USP28: variants seen among roughly 807,000 people sequenced by gnomAD.
USP28 encodes the protein ubiquitin specific peptidase 28.
USP28 carries 113 observed loss-of-function variants against 145.0 expected under a neutral mutation model. That is an observed-to-expected ratio of 0.78 (90% confidence interval 0.67 to 0.91). The LOEUF (loss-of-function observed/expected upper bound fraction) is 0.91. Ranked by LOEUF, USP28 falls within the 40% of genes least tolerant of loss-of-function variation. The pLI is 0.00. For synonymous variants in USP28, 447 were observed against 450.9 expected (o/e 0.99, Z 0.11); for missense variants, 1,201 against 1,289.6 (o/e 0.93, Z 1.05).
chr11:113,808,107 C>T (rs1172626659), intron 18 of USP28: 7 of 1,487,096 alleles, frequency 4.7e-6, no homozygotes, highest in Admixed American at 2.2e-5. Flanking sequence ...TTTCCTGGGG[C>T]ATGGGCTTCT....
chr11:113,815,822 A>G (rs1328221206), intron 13 of USP28, among the ~76,000 whole-genome samples: 2 of 152,236 alleles, frequency 1.3e-5, no homozygotes, highest in Non-Finnish European at 2.9e-5. Flanking sequence ...AGCCAACTAA[A>G]GTGACACTAT....
At chr11:113,829,113 T>C (rs1943694022) in intron 10 of USP28, 84 bp downstream of exon 10, 1 of 1,557,836 alleles carries the variant, frequency 6.4e-7, no homozygotes. Context: ...ACTTAATATG[T>C]GATGGGAAAC....
At chr11:113,820,102 T>C (rs1344881740) in intron 12 of USP28, among the ~76,000 whole-genome samples, 4 of 152,232 alleles carry the variant, frequency 2.6e-5, no homozygotes, top group Non-Finnish European at 5.9e-5. Flanking sequence ...CCAAAAAAAT[T>C]TGCAACCTCC....
chr11:113,803,760 C>T, intron 22 of USP28, 38 bp downstream of exon 23: 2 of 1,559,830 alleles, frequency 1.3e-6, no homozygotes, highest in Non-Finnish European at 1.8e-6. Context: ...GAACAGCATC[C>T]TGACTAATAA....
Position 113,806,428 on chromosome 11 carries a change from T to C in USP28, c.2400+61A>G, listed in dbSNP as rs1386597307. The C allele has an allele frequency of 7.7e-6, 11 of 1,429,322 alleles. No homozygotes were observed. The Admixed American group carries it at 2.0e-4, about 26-fold the overall frequency. The allele number at this position is 1,429,322 out of a possible 1,614,324, so 88.5% of individuals were successfully genotyped here. On this transcript the variant is annotated intron_variant, in intron 19 of 24. Transcript: ENST00000003302. The stretch of plus-strand genomic sequence containing the variant: ...CCCCATTTTTTCCCTTCTTATAGAA[T>C]TATTTCCCCAATATTATGATGCCTA...
At chr11:113,863,643 C>CAAAA (rs71063528) in intron 1 of USP28, among the ~76,000 whole-genome samples, 319 of 124,888 alleles carry the variant, frequency 2.6e-3, no homozygotes, top group African/African-American at 9.6e-3. Context: ...GACCCTGTCT[C>CAAAA]AAAAAAAAAA....
rs1342507221 is a variant in USP28 at position 113,803,201 on chromosome 11, A to AC, written c.2818dup (p.Val940GlyfsTer26). 6.8e-6 allele frequency: 11 copies of AC among 1,613,748 alleles called. No individual in the cohort carries two copies. Among genetic ancestry groups the AC allele is most frequent in the East Asian group, 4.5e-5 (2 of 44,878 alleles). ...GTATAAAGCAATCACGGATTCTTTG[A>AC]CCCCCCGGCGGGGCCCCTTCATCAG... On this transcript the variant is annotated frameshift_variant, in exon 23 of 25. Coordinates refer to ENST00000003302, the Ensembl canonical transcript of USP28. LOFTEE classifies it high-confidence loss of function.
chr11:113,807,831 T>C (rs1353842325), intron 18 of USP28, 120 bp downstream of exon 19: 11 of 671,622 alleles, frequency 1.6e-5, no homozygotes, highest in Admixed American at 6.3e-5. Flanking sequence ...ATAGGCTTTC[T>C]TGACAATCAT....
At chr11:113,868,724 C>G (rs1197766767) in intron 1 of USP28, among the ~76,000 whole-genome samples, 1 of 151,990 alleles carries the variant, frequency 6.6e-6, no homozygotes, top group African/African-American at 2.4e-5. Flanking sequence ...AGTTCAAAAC[C>G]AGCCTGGGCA....
At chr11:113,855,633 G>A (rs963840517) in intron 1 of USP28, among the ~76,000 whole-genome samples, 1 of 152,116 alleles carries the variant, frequency 6.6e-6, no homozygotes, top group African/African-American at 2.4e-5. Flanking sequence ...AAGTCCTAAA[G>A]AGGTCGGGCA....
At chr11:113,846,339 GAAGA>G (rs1945845608) in intron 3 of USP28, among the ~76,000 whole-genome samples, 1 of 152,138 alleles carries the variant, frequency 6.6e-6, no homozygotes, top group African/African-American at 2.4e-5. Flanking sequence ...CTGGAAAAAA[GAAGA>G]AATACTGTCA....
intron 18 of USP28, 45 bp from the exon 20 acceptor site, chr11:113,806,629 A>C (rs765227492): frequency 7.3e-7 from 1 of 1,372,426 alleles, no homozygotes; most frequent in Admixed American, 2.3e-5. Flanking sequence ...GAGAGAAGAA[A>C]GGTTCAGCAG....
chr11:113,850,569 A>C (rs2136411252), intron 3 of USP28, among the ~76,000 whole-genome samples: 2 of 152,286 alleles, frequency 1.3e-5, no homozygotes, highest in South Asian at 4.1e-4. Flanking sequence ...AACGGCCCAA[A>C]TGTCCATTAA....
At chr11:113,802,377 T>C (rs1012605181) in intron 23 of USP28, among the ~76,000 whole-genome samples, 4 of 152,240 alleles carry the variant, frequency 2.6e-5, no homozygotes, top group African/African-American at 9.6e-5. Context: ...TGAGTATATG[T>C]CATGACTTAA....
chr11:113,871,045 C>T (rs1296620148), intron 1 of USP28, among the ~76,000 whole-genome samples: 2 of 152,184 alleles, frequency 1.3e-5, no homozygotes, highest in African/African-American at 4.8e-5. Context: ...TGTCAAAAGG[C>T]AGAAACTGAT....
chr11:113,804,840 G>A (rs749060961), intron 20 of USP28, 28 bp downstream of exon 21: 4 of 1,611,630 alleles, frequency 2.5e-6, no homozygotes, highest in South Asian at 1.1e-5. Context: ...CCCAGACCAA[G>A]GGATTCACCT....
chr11:113,840,708 A>G, exon 5 of USP28: 1 of 1,614,220 alleles, frequency 6.2e-7, no homozygotes, highest in Non-Finnish European at 8.5e-7. Context: ...CAGACTTCAC[A>G]GCGTTTTCTC....
intron 1 of USP28, among the ~76,000 whole-genome samples, chr11:113,873,923 A>ACCT (rs1427929574): frequency 1.3e-5 from 2 of 150,818 alleles, no homozygotes; most frequent in East Asian, 2.0e-4. Flanking sequence ...CGGGCGGATC[A>ACCT]TGAGGTCAAG....
intron 24 of USP28, among the ~76,000 whole-genome samples, chr11:113,800,453 A>G (rs990014637): frequency 3.3e-5 from 5 of 151,568 alleles, no homozygotes; most frequent in African/African-American, 7.3e-5. Context: ...CACTATACCC[A>G]GCTAAGTTTT....
Sources: gnomAD v4.1 joint callset for allele counts (sites outside exome capture counted in the v4.1 genomes callset) on GRCh38, gnomAD v4.1.1 for gene constraint, MANE v1.5 for transcripts, NCBI Gene and HGNC (gene_info 2026-07-23, HGNC 2026-07-21) for gene names.